Variants in PPP2R5C observed in about 807,000 individuals in gnomAD.
The protein encoded by PPP2R5C is protein phosphatase 2 regulatory subunit B'gamma.
Under a neutral mutation model 68.9 loss-of-function variants are expected in PPP2R5C, and 7 were observed. The ratio of observed to expected loss-of-function variants is 0.10; its 90% CI spans 0.06 to 0.19. The LOEUF is 0.19. Among genes scored for constraint, PPP2R5C ranks in the 10% least tolerant of loss-of-function variants. The probability of loss-of-function intolerance (pLI) is 1.00; values close to 1 mark genes in which losing one functional copy is unlikely to be tolerated. For missense variants in PPP2R5C, 348 were observed against 641.3 expected (o/e 0.54, Z 4.94); for synonymous variants, 210 against 222.2 (o/e 0.95, Z 0.49).
intron 8 of PPP2R5C, among the ~76,000 whole-genome samples, chr14:101,894,942 A>T (rs148971966): frequency 8.3e-4 from 126 of 152,278 alleles, no homozygotes; most frequent in African/African-American, 3.0e-3. Context: ...TAGGGTTTGA[A>T]ATTATTGTTG....
At chr14:101,918,983 C>T (rs903855358) in intron 13 of PPP2R5C, among the ~76,000 whole-genome samples, 3 of 152,218 alleles carry the variant, frequency 2.0e-5, no homozygotes, top group Middle Eastern at 3.4e-3. Context: ...TGAAAGTAGG[C>T]GCCCCGCCTG....
Position 101,906,385 on chromosome 14 carries a change from C to A in PPP2R5C, c.1024-17C>A, listed in dbSNP as rs775548013. ...TCAGGCACAACCTCCAGCAAGCCATCCACTTGTGTCTTTCAGGTGGCAGAG... is the reference window on the plus strand; with the variant it reads ...TCAGGCACAACCTCCAGCAAGCCATACACTTGTGTCTTTCAGGTGGCAGAG... On this transcript the variant is annotated splice_polypyrimidine_tract_variant and intron_variant, in intron 9 of 13. Transcript: ENST00000334743. This position sits in a 1 kb window ranked among gnomAD's most constrained non-coding sequence, Gnocchi z 4.0. 2 of 1,578,544 alleles carry A rather than the reference C, an allele frequency of 1.3e-6. No homozygotes were observed. The highest frequency in any genetic ancestry group is 4.5e-5 in the East Asian group (2 of 44,360).
intron 2 of PPP2R5C, among the ~76,000 whole-genome samples, chr14:101,876,143 A>G (rs1361895846): frequency 6.6e-6 from 1 of 150,952 alleles, no homozygotes; most frequent in Non-Finnish European, 1.5e-5. Context: ...TTGTACTTAA[A>G]TATATATATA....
intron 2 of PPP2R5C, among the ~76,000 whole-genome samples, chr14:101,868,514 T>C (rs891189403): frequency 6.6e-6 from 1 of 152,240 alleles, no homozygotes; most frequent in Non-Finnish European, 1.5e-5. Context: ...ACTTTTGGGA[T>C]GATGAGTATG....
intron 2 of PPP2R5C, among the ~76,000 whole-genome samples, chr14:101,874,232 C>T (rs117318615): frequency 6.6e-6 from 1 of 152,282 alleles, no homozygotes; most frequent in East Asian, 1.9e-4. Context: ...ATTTATATCA[C>T]GTTGGATAGA....
At chr14:101,767,347 A>G (rs1163411548) in intron 2 of PPP2R5C, among the ~76,000 whole-genome samples, 2 of 152,204 alleles carry the variant, frequency 1.3e-5, no homozygotes, top group African/African-American at 4.8e-5. Flanking sequence ...TACACCCATT[A>G]AATGTTAACA....
intron 2 of PPP2R5C, among the ~76,000 whole-genome samples, chr14:101,767,817 C>T (rs1432836844): frequency 3.9e-5 from 6 of 152,140 alleles, no homozygotes; most frequent in African/African-American, 1.2e-4. Flanking sequence ...CCTCAGCTCC[C>T]GAGCTTTGGG....
In PPP2R5C at chr14:101,877,397, C is replaced by A; in HGVS notation, c.295-4764C>A. ...GCAGCGTGATTCTGCGTCTGTGCCT[C>A]TGGGTGTGCGCTGGATCCGTAGGTC... On this transcript the variant is annotated intron_variant, in intron 2 of 13. Transcript: ENST00000334743. The surrounding 1 kb of genome is among the most constrained non-coding windows in gnomAD (Gnocchi z 4.2). Among the ~76,000 whole-genome samples, 1 of 152,172 alleles carries A rather than the reference C, an allele frequency of 6.6e-6. No homozygotes were observed. The highest frequency in any genetic ancestry group is 1.5e-5 in the Non-Finnish European group (1 of 68,036).
upstream of PPP2R5C, among the ~76,000 whole-genome samples, chr14:101,807,553 A>C (rs951801463): frequency 6.6e-6 from 1 of 152,146 alleles, no homozygotes; most frequent in Non-Finnish European, 1.5e-5. Flanking sequence ...GTTTGGGGGG[A>C]AATTATCAGC....
At chr14:101,861,025 C>T (rs2042706510) in intron 2 of PPP2R5C, among the ~76,000 whole-genome samples, 1 of 152,154 alleles carries the variant, frequency 6.6e-6, no homozygotes, top group Admixed American at 6.5e-5. Context: ...TAATCAGCCT[C>T]CTGTTTTTTC....
chr14:101,810,997 C>G (rs1410699685), intron 1 of PPP2R5C, among the ~76,000 whole-genome samples: 1 of 152,160 alleles, frequency 6.6e-6, no homozygotes, highest in Non-Finnish European at 1.5e-5. Flanking sequence ...AACTGTTTCT[C>G]AGAATCTCTT....
chr14:101,887,065 T>C (rs752275242), intron 5 of PPP2R5C, among the ~76,000 whole-genome samples: 3 of 152,232 alleles, frequency 2.0e-5, no homozygotes, highest in Non-Finnish European at 4.4e-5. Context: ...AGAACAGCTG[T>C]GTCTTGTAAG....
At chr14:101,783,350 G>A (rs897036104) in intron 2 of PPP2R5C, among the ~76,000 whole-genome samples, 4 of 147,950 alleles carry the variant, frequency 2.7e-5, no homozygotes, top group African/African-American at 1.0e-4. Flanking sequence ...CCTTCCCAGG[G>A]ACAGACAATG....
At position 101,844,607 on chromosome 14, in the gene PPP2R5C, C is replaced by T. The variant is rs183354540; in HGVS notation, c.95-12079C>T. Among the ~76,000 whole-genome samples the T allele has an allele frequency of 3.9e-5, 6 of 152,292 alleles. No individual in the cohort carries two copies. In the East Asian group the frequency reaches 1.2e-3, roughly 29 times the overall value. On this transcript the variant is annotated intron_variant, in intron 1 of 13. Coordinates refer to ENST00000334743, the Ensembl canonical transcript of PPP2R5C. ...AAGAGTTCGTGTCTAGAAGGAAGCA[C>T]TTGAACCTCCTCTGTCTGAGACATG...
intron 2 of PPP2R5C, chr14:101,765,280 G>A (rs1566818421): frequency 1.0e-5 from 7 of 702,548 alleles, no homozygotes; most frequent in East Asian, 2.7e-5. Context: ...TTGACACTTG[G>A]CAGATCACTG....
intron 8 of PPP2R5C, among the ~76,000 whole-genome samples, chr14:101,895,676 A>G (rs1202908656): frequency 2.0e-5 from 3 of 152,180 alleles, no homozygotes; most frequent in Non-Finnish European, 4.4e-5. Context: ...ATGCTGTTCT[A>G]TCATATGGAT....
chr14:101,774,332 C>G (rs1264921765), intron 2 of PPP2R5C, among the ~76,000 whole-genome samples: 1 of 152,194 alleles, frequency 6.6e-6, no homozygotes, highest in East Asian at 1.9e-4. Context: ...TTAGTTTTTC[C>G]TAGACAGACT....
intron 1 of PPP2R5C, among the ~76,000 whole-genome samples, chr14:101,815,277 C>T (rs1414751572): frequency 2.0e-5 from 3 of 152,170 alleles, no homozygotes; most frequent in African/African-American, 7.2e-5. Flanking sequence ...CTGCAGACAT[C>T]AGAGTGTTGA....
chr14:101,894,685 A>C (rs1241132135), intron 8 of PPP2R5C, 125 bp downstream of exon 10: 7 of 851,102 alleles, frequency 8.2e-6, no homozygotes, highest in Non-Finnish European at 1.3e-5. Flanking sequence ...AATACTAATA[A>C]ACAGGCTCAT....
Sources: allele counts gnomAD v4.1 joint callset (sites outside exome capture counted in the v4.1 genomes callset), GRCh38; gene constraint gnomAD v4.1.1; non-coding constraint Gnocchi (gnomAD v3.1); transcripts MANE v1.5; gene names NCBI Gene and HGNC (gene_info 2026-07-23, HGNC 2026-07-21).